UBN2: variants seen among roughly 807,000 people sequenced by gnomAD.
UBN2 encodes the protein ubinuclein 2, also known as ubinuclein-2.
UBN2 carries 35 observed loss-of-function variants against 120.2 expected under a neutral mutation model. That is an observed-to-expected ratio of 0.29 (90% CI 0.22 to 0.39). UBN2 has a LOEUF of 0.39. Ranked by LOEUF, UBN2 falls within the 10% of genes least tolerant of loss-of-function variation. UBN2 has a pLI of 1.00. For synonymous variants in UBN2, 661 were observed against 648.7 expected, an observed-to-expected ratio of 1.02 and a Z score of -0.29; for missense variants, 1,693 against 1,663.2, an observed-to-expected ratio of 1.02 and a Z score of -0.31.
At chr7:139,320,787 C>T in the UBN2 span, among the ~76,000 whole-genome samples, 16 of 149,852 alleles carry the variant, frequency 1.1e-4, no homozygotes, top group Admixed American at 5.4e-4. Context: ...AACCGGGAGG[C>T]GGAGGTTGCA....
chr7:139,323,651 G>A, the UBN2 span, among the ~76,000 whole-genome samples: 21 of 150,882 alleles, frequency 1.4e-4, no homozygotes, highest in Admixed American at 9.9e-4. Flanking sequence ...GTTCAGTGGC[G>A]CGATCTTGGC....
rs1439837113 is a variant in UBN2, at chr7:139,269,651, G to A, written c.1596+128G>A. On this transcript the variant is annotated intron_variant, in intron 8 of 17. Coordinates refer to ENST00000473989, the MANE Select transcript of UBN2 (RefSeq NM_173569.4). ...TGTATGTATTTAATAACCATAGGAG[G>A]TTATTAAAAGTATGTTGGATCCCCT... 8.1e-6 allele frequency: 8 copies of A among 989,664 alleles called. No individual in the cohort carries two copies. In the South Asian group the frequency reaches 1.4e-4, roughly 17 times the overall value. The allele number at this position is 989,664 out of a possible 1,614,324, so 61.3% of individuals were successfully genotyped here.
downstream of UBN2, among the ~76,000 whole-genome samples, chr7:139,310,031 G>C (rs952735605): frequency 6.6e-6 from 1 of 152,056 alleles, no homozygotes; most frequent in African/African-American, 2.4e-5. Context: ...TAACAAATAG[G>C]TGACTTTTTG....
At chr7:139,322,538 TC>T in the UBN2 span, among the ~76,000 whole-genome samples, 2 of 151,882 alleles carry the variant, frequency 1.3e-5, no homozygotes, top group Admixed American at 6.6e-5. Flanking sequence ...TTGGCCCACT[TC>T]CAGGCCGGGG....
intron 2 of UBN2, among the ~76,000 whole-genome samples, chr7:139,238,804 T>C (rs1285621961): frequency 6.6e-6 from 1 of 152,180 alleles, no homozygotes; most frequent in Non-Finnish European, 1.5e-5. Context: ...GACTATATAA[T>C]AATAAATTTA....
intron 2 of UBN2, among the ~76,000 whole-genome samples, chr7:139,245,001 A>G (rs1796427758): frequency 6.6e-6 from 1 of 151,704 alleles, no homozygotes; most frequent in African/African-American, 2.4e-5. Flanking sequence ...TGATGTGATC[A>G]TAGCTCACTG....
intron 11 of UBN2, 72 bp downstream of exon 11, chr7:139,274,146 T>A: frequency 7.1e-7 from 1 of 1,404,388 alleles, no homozygotes; most frequent in East Asian, 2.6e-5. Context: ...TACATACACA[T>A]ACACATATGT....
chr7:139,252,163 C>T, intron 3 of UBN2, 106 bp downstream of exon 3: 9 of 841,044 alleles, frequency 1.1e-5, no homozygotes, highest in South Asian at 3.9e-5. Flanking sequence ...TTTATTTGTG[C>T]TTTTTAAAGC....
At chr7:139,248,885 A>G (rs1796543289) in intron 2 of UBN2, among the ~76,000 whole-genome samples, 2 of 152,174 alleles carry the variant, frequency 1.3e-5, no homozygotes, top group African/African-American at 4.8e-5. Context: ...ATAACATAAT[A>G]TAAAGGTCTC....
intron 15 of UBN2, among the ~76,000 whole-genome samples, chr7:139,291,430 C>G (rs1205465708): frequency 6.7e-6 from 1 of 148,554 alleles, no homozygotes; most frequent in African/African-American, 2.5e-5. Flanking sequence ...AAGTTTTGAC[C>G]AGGAAAATTT....
intron 8 of UBN2, among the ~76,000 whole-genome samples, chr7:139,269,980 A>G (rs746039616): frequency 6.6e-6 from 1 of 151,600 alleles, no homozygotes; most frequent in Admixed American, 6.6e-5. Flanking sequence ...GCCATTTTTT[A>G]ATTTTTTTCT....
At chr7:139,313,330 T>G in the UBN2 span, among the ~76,000 whole-genome samples, 1 of 152,190 alleles carries the variant, frequency 6.6e-6, no homozygotes, top group Non-Finnish European at 1.5e-5. Flanking sequence ...GTTTATATAT[T>G]AATTTCGAGG....
Position 139,308,211 on chromosome 7 carries a change from TTAAA to T in UBN2, c.*10380_*10383del, listed in dbSNP as rs1255346234. On this transcript the variant is annotated 3_prime_UTR_variant, in exon 18 of 18. Coordinates refer to ENST00000473989, the MANE Select transcript of UBN2 (RefSeq NM_173569.4). ...TATATGTTACGTGTTTGTTGTTGTA[TTAAA>T]TAAAGAGGAATGTACATACTATCCT... 2.0e-5 allele frequency: 3 copies of T among 152,172 alleles called. No homozygotes were observed. The highest frequency in any genetic ancestry group is 1.9e-4 in the East Asian group (1 of 5,166). The allele number at this position is 152,172 out of a possible 1,614,324, so 9.4% of individuals were successfully genotyped here.
At chr7:139,262,141 A>G (rs1232925646) in intron 6 of UBN2, among the ~76,000 whole-genome samples, 1 of 151,792 alleles carries the variant, frequency 6.6e-6, no homozygotes, top group Non-Finnish European at 1.5e-5. Context: ...CTCCGTCGTC[A>G]CACAGGCTGG....
Position 139,260,357 on chromosome 7 carries a change from G to A in UBN2, c.906-895G>A, listed in dbSNP as rs559012337. On this transcript the variant is annotated intron_variant, in intron 5 of 17. Transcript: ENST00000473989. ...AAGTGATTCACCAGCCTCAGCCTCC[G>A]AAAGTGCTGAGATTACAGGCATGAG... Among the ~76,000 whole-genome samples the A allele has an allele frequency of 2.6e-5, 4 of 151,856 alleles. No individual in the cohort carries two copies. In the South Asian group the frequency reaches 6.3e-4, roughly 24 times the overall value.
At position 139,252,052 on chromosome 7, in the gene UBN2, G is replaced by C; in HGVS notation, c.658G>C (p.Glu220Gln). ...DETDPFIDNS[E>Q]AYDELVPASL... ...GACAGATCCATTTATTGATAACTCA[G>C]AGGCTGTGAGTAATGTATCTTTAAT... Residue 220 changes from glutamate (E) to glutamine (Q), a missense_variant, in exon 3 of 18, where the codon GAG becomes CAG. By Grantham distance (29) the Glu-to-Gln change is conservative. This residue lies in a region of UBN2 where 663 missense variants were observed against 591.2 expected (regional missense o/e 1.12). Transcript: ENST00000473989. The C allele has an allele frequency of 6.2e-7, 1 of 1,611,448 alleles. No homozygotes were observed. The highest frequency in any genetic ancestry group is 8.5e-7 in the Non-Finnish European group (1 of 1,177,510).
At position 139,266,433 on chromosome 7, in the gene UBN2, T is replaced by C. The variant is rs1242975669; in HGVS notation, c.1466+30T>C. 2.4e-6 allele frequency: 3 copies of C among 1,246,674 alleles called. No individual in the cohort carries two copies. In the Admixed American group the frequency reaches 6.5e-5, roughly 27 times the overall value. The allele number at this position is 1,246,674 out of a possible 1,614,324, so 77.2% of individuals were successfully genotyped here. A position where few individuals can be genotyped will look rare whatever the true frequency, so the allele number is the denominator to read the frequency against. ...GTAATTTTCTTTAAAAAAAAAAACC[T>C]TAAGAATGATACATTAAAAAATGTA... On this transcript the variant is annotated intron_variant, in intron 7 of 17. Transcript: ENST00000473989.
At position 139,297,842 on chromosome 7, in the gene UBN2, C is replaced by T; in HGVS notation, c.*6C>T. ...TACCACGGAAATCTCAGTGACTGCC[C>T]AGCAAGCAAAGGAGACGAAATGTTT... On this transcript the variant is annotated 3_prime_UTR_variant, in exon 18 of 18. Transcript: ENST00000473989. 4.3e-6 allele frequency: 7 copies of T among 1,614,062 alleles called. No homozygotes were observed. The highest frequency in any genetic ancestry group is 5.9e-6 in the Non-Finnish European group (7 of 1,179,982).
At chr7:139,249,040 A>T (rs201957205) in intron 2 of UBN2, among the ~76,000 whole-genome samples, 1 of 143,730 alleles carries the variant, frequency 7.0e-6, no homozygotes, top group Non-Finnish European at 1.5e-5. Context: ...GTGTGTATGC[A>T]TGTATGCATG....
Sources: gnomAD v4.1 joint callset for allele counts (sites outside exome capture counted in the v4.1 genomes callset) on GRCh38, gnomAD v4.1.1 for gene constraint, gnomAD v4.1.1 regional missense constraint, MANE v1.5 for transcripts, NCBI Gene and HGNC (gene_info 2026-07-23, HGNC 2026-07-21) for gene names.